JDP2: variants seen among roughly 807,000 people sequenced by gnomAD.
JDP2 encodes the protein progesterone receptor co-activator.
JDP2 carries 9 observed loss-of-function variants against 17.1 expected under a neutral mutation model. The observed-to-expected ratio is 0.53, with a 90% CI of 0.32 to 0.92. The LOEUF (loss-of-function observed/expected upper bound fraction) is 0.92. Ranked by LOEUF, JDP2 falls within the 40% of genes least tolerant of loss-of-function variation. The probability of loss-of-function intolerance (pLI) is 0.04; values close to 1 mark genes in which losing one functional copy is unlikely to be tolerated. For synonymous variants in JDP2, 107 were observed against 95.6 expected (o/e 1.12, Z -0.69); for missense variants, 179 against 220.0 (o/e 0.81, Z 1.18).
rs566712502 is a variant in JDP2, at chr14:75,435,963, G to A, written c.-23-1935G>A. 1.6e-4 allele frequency among the ~76,000 whole-genome samples: 25 copies of A among 152,282 alleles called. No homozygotes were observed. The South Asian group carries it at 5.2e-3, about 32-fold the overall frequency. On this transcript the variant is annotated intron_variant, in intron 1 of 3. Coordinates refer to ENST00000651602, the MANE Select transcript of JDP2 (RefSeq NM_001135048.2). The stretch of plus-strand genomic sequence containing the variant: ...GCAGGCATGCTGAGGATGAAATGGC[G>A]GGTCCACTTCCCATTCCCAGGCACC...
chr14:75,467,582 C>G (rs1886618638), intron 3 of JDP2, among the ~76,000 whole-genome samples: 1 of 152,166 alleles, frequency 6.6e-6, no homozygotes, highest in Non-Finnish European at 1.5e-5. Flanking sequence ...GAAGATGGAA[C>G]TAAGCCCTTG....
intron 2 of JDP2, among the ~76,000 whole-genome samples, chr14:75,443,101 G>A (rs1228291281): frequency 6.6e-6 from 1 of 152,050 alleles, no homozygotes; most frequent in Non-Finnish European, 1.5e-5. Context: ...ACATTGAGAG[G>A]GTTTTCCCGT....
At chr14:75,432,528 C>T (rs1209009029) in intron 1 of JDP2, among the ~76,000 whole-genome samples, 2 of 152,228 alleles carry the variant, frequency 1.3e-5, no homozygotes, top group Non-Finnish European at 2.9e-5. Context: ...TCTCATGGGG[C>T]TTGCCCCTGT....
intron 2 of JDP2, among the ~76,000 whole-genome samples, chr14:75,458,941 C>T (rs1258815230): frequency 6.6e-6 from 1 of 152,212 alleles, no homozygotes; most frequent in African/African-American, 2.4e-5. Flanking sequence ...GGAGGAGCGG[C>T]CCCTGACCTG....
At chr14:75,453,006 G>T (rs923323729) in intron 2 of JDP2, among the ~76,000 whole-genome samples, 3 of 152,216 alleles carry the variant, frequency 2.0e-5, no homozygotes, top group Admixed American at 6.5e-5. Context: ...GGGGATGCTG[G>T]GAGGGCCTGG....
chr14:75,440,236 G>C (rs1370635701), intron 2 of JDP2, among the ~76,000 whole-genome samples: 2 of 152,206 alleles, frequency 1.3e-5, no homozygotes, highest in African/African-American at 4.8e-5. Flanking sequence ...TCAGACTGCA[G>C]TGTTGTGGGG....
At chr14:75,438,712 G>A (rs755475970) in intron 2 of JDP2, among the ~76,000 whole-genome samples, 11 of 152,112 alleles carry the variant, frequency 7.2e-5, no homozygotes, top group Non-Finnish European at 1.5e-4. Context: ...GCGTTTGCCC[G>A]GGACCCACAC....
At chr14:75,436,411 T>A (rs544521500) in intron 1 of JDP2, among the ~76,000 whole-genome samples, 1 of 152,248 alleles carries the variant, frequency 6.6e-6, no homozygotes, top group South Asian at 2.1e-4. Flanking sequence ...AAGAGACAGG[T>A]AAAGATGGAA....
intron 3 of JDP2, among the ~76,000 whole-genome samples, chr14:75,464,499 G>T (rs1184940324): frequency 6.6e-6 from 1 of 152,210 alleles, no homozygotes; most frequent in Admixed American, 6.5e-5. Context: ...AAGTAACCTA[G>T]AGATGATTTA....
intron 2 of JDP2, 77 bp from the exon 3 acceptor site, chr14:75,461,349 C>A: frequency 9.2e-7 from 1 of 1,086,004 alleles, no homozygotes; most frequent in East Asian, 2.5e-5. Context: ...GAAGTTGTCC[C>A]TCTGTCTATG....
intron 1 of JDP2, among the ~76,000 whole-genome samples, chr14:75,429,936 A>G (rs1389259493): frequency 1.3e-5 from 2 of 152,204 alleles, no homozygotes; most frequent in African/African-American, 2.4e-5. Context: ...GGTGGGCTGC[A>G]GGAAGTCATG....
At chr14:75,443,533 C>G (rs1018352779) in intron 2 of JDP2, among the ~76,000 whole-genome samples, 4 of 151,922 alleles carry the variant, frequency 2.6e-5, no homozygotes, top group African/African-American at 9.7e-5. Context: ...AGTTCCGTTA[C>G]TTTGTTAGCA....
intron 3 of JDP2, among the ~76,000 whole-genome samples, chr14:75,462,528 G>A (rs1288927005): frequency 2.0e-5 from 3 of 152,212 alleles, no homozygotes; most frequent in African/African-American, 4.8e-5. Context: ...CTAAGGAAGT[G>A]TGGGGCTGAG....
chr14:75,456,889 G>A (rs971408866), intron 2 of JDP2, among the ~76,000 whole-genome samples: 21 of 152,310 alleles, frequency 1.4e-4, no homozygotes, highest in African/African-American at 4.8e-4. Flanking sequence ...GTGAGGCGGG[G>A]CTGCTCTGCA....
chr14:75,433,270 T>TGAGC (rs1884901681), intron 1 of JDP2, among the ~76,000 whole-genome samples: 1 of 142,816 alleles, frequency 7.0e-6, no homozygotes, highest in African/African-American at 2.6e-5. Flanking sequence ...GTTTTGCCAT[T>TGAGC]ATGCTCAATG....
intron 2 of JDP2, chr14:75,444,982 G>A (rs539085975): frequency 2.5e-6 from 1 of 392,902 alleles, no homozygotes; most frequent in African/African-American, 2.2e-5. Context: ...TGTTTCCTGT[G>A]GTGTTAATGT....
At chr14:75,467,776 A>G (rs891055473) in intron 3 of JDP2, among the ~76,000 whole-genome samples, 4 of 151,958 alleles carry the variant, frequency 2.6e-5, no homozygotes, top group Admixed American at 1.3e-4. Flanking sequence ...GAATTCTCAG[A>G]ACAGAGGACC....
intron 2 of JDP2, among the ~76,000 whole-genome samples, chr14:75,456,508 T>C (rs1231688556): frequency 6.6e-6 from 1 of 152,224 alleles, no homozygotes; most frequent in Non-Finnish European, 1.5e-5. Flanking sequence ...CTTGCTTAAA[T>C]GTGTGCCTTG....
At chr14:75,447,696 T>C (rs988884491) in intron 2 of JDP2, among the ~76,000 whole-genome samples, 5 of 152,166 alleles carry the variant, frequency 3.3e-5, no homozygotes, top group Non-Finnish European at 5.9e-5. Context: ...GTCTCACTAT[T>C]GCCCAGGCTG....
Sources: allele counts gnomAD v4.1 joint callset (sites outside exome capture counted in the v4.1 genomes callset), GRCh38; gene constraint gnomAD v4.1.1; transcripts MANE v1.5; gene names NCBI Gene and HGNC (gene_info 2026-07-23, HGNC 2026-07-21).